Variants in ADCY2 observed in about 807,000 individuals in gnomAD.
ADCY2 encodes the protein adenylate cyclase type 2.
In ADCY2, 31 loss-of-function variants were observed where a neutral mutation model predicts 125.2. The observed-to-expected ratio is 0.25, with a 90% CI of 0.19 to 0.33. The LOEUF (loss-of-function observed/expected upper bound fraction) is 0.33, where lower values mean the gene tolerates loss of function less well. Among genes scored for constraint, ADCY2 ranks in the 10% least tolerant of loss-of-function variants. The pLI, the probability that ADCY2 is intolerant of heterozygous loss-of-function variation, is 1.00. For missense variants in ADCY2, 904 were observed against 1,418.2 expected (o/e 0.64, Z 5.82); for synonymous variants, 512 against 548.4 (o/e 0.93, Z 0.93).
Position 7,639,162 on chromosome 5 carries a change from G to A in ADCY2, c.720+12846G>A, listed in dbSNP as rs138525126. 3.9e-4 allele frequency among the ~76,000 whole-genome samples: 59 copies of A among 152,254 alleles called. 1 individual carries two copies. In the Middle Eastern group the frequency reaches 0.014, roughly 35 times the overall value. ...AAATGGACTAATACAGGTGACAATG[G>A]CTATTATTTCATTATTTTTCTTTAG... On this transcript the variant is annotated intron_variant, in intron 4 of 24. Coordinates refer to ENST00000338316, the MANE Select transcript of ADCY2 (RefSeq NM_020546.3).
intron 3 of ADCY2, among the ~76,000 whole-genome samples, chr5:7,545,103 C>T (rs760623715): frequency 1.4e-4 from 22 of 152,142 alleles, no homozygotes; most frequent in African/African-American, 2.7e-4. Context: ...ACATCTGACC[C>T]GTCACTTTTG....
At chr5:7,589,506 GAA>G (rs68115969) in intron 3 of ADCY2, among the ~76,000 whole-genome samples, 2 of 93,840 alleles carry the variant, frequency 2.1e-5, no homozygotes, top group African/African-American at 7.1e-5. Flanking sequence ...AAGAAAGAAA[GAA>G]AGAAAAGAAA....
intron 2 of ADCY2, among the ~76,000 whole-genome samples, chr5:7,501,133 A>ATTTTTT (rs1561059945): frequency 1.8e-4 from 17 of 96,996 alleles, no homozygotes; most frequent in African/African-American, 3.9e-4. Flanking sequence ...CTTTTTTTTA[A>ATTTTTT]AAAAAAAAAA....
At chr5:7,399,328 A>AT (rs1739178503) in intron 1 of ADCY2, among the ~76,000 whole-genome samples, 4 of 152,122 alleles carry the variant, frequency 2.6e-5, no homozygotes, top group Non-Finnish European at 5.9e-5. Flanking sequence ...GTACATAGAG[A>AT]TTTTTTTGCT....
rs1391205277 is a variant in ADCY2 at position 7,690,743 on chromosome 5, C to T, written c.773C>T (p.Ala258Val). 5.0e-6 allele frequency: 8 copies of T among 1,610,090 alleles called. No individual in the cohort carries two copies. The highest frequency in any genetic ancestry group is 6.8e-6 in the Non-Finnish European group (8 of 1,178,480). The change falls in exon 5 of 25, where the codon GCG becomes GTG. Residue 258 changes from alanine (A) to valine (V), a missense_variant. By Grantham distance (64) the Ala-to-Val change is moderately conservative (BLOSUM62 0). Around this residue, in one of 7 missense-constraint regions of ADCY2, gnomAD observed 117 missense variants for 248.0 expected, o/e 0.47. Coordinates refer to ENST00000338316, the MANE Select transcript of ADCY2 (RefSeq NM_020546.3). ...GCCCACATCGCCATGGAGATGAAAG[C>T]GGAGATCATCCAGAGGCTGCAGGGC... ...LPAHIAMEMK[A>V]EIIQRLQGPK...
intron 4 of ADCY2, among the ~76,000 whole-genome samples, chr5:7,689,369 A>G (rs1740630820): frequency 6.6e-6 from 1 of 152,210 alleles, no homozygotes; most frequent in Admixed American, 6.5e-5. Context: ...TTGCTCAAAG[A>G]TTGATACTTT....
intron 14 of ADCY2, among the ~76,000 whole-genome samples, chr5:7,729,215 A>G (rs1469750412): frequency 6.6e-6 from 1 of 152,142 alleles, no homozygotes; most frequent in Non-Finnish European, 1.5e-5. Flanking sequence ...TTTAAAAAAA[A>G]TCTTGCTAGG....
At chr5:7,647,112 C>T (rs902980283) in intron 4 of ADCY2, among the ~76,000 whole-genome samples, 2 of 152,176 alleles carry the variant, frequency 1.3e-5, no homozygotes, top group Non-Finnish European at 2.9e-5. Context: ...CTTTCCTTGT[C>T]CTTCTTCAGA....
intron 24 of ADCY2, among the ~76,000 whole-genome samples, chr5:7,823,791 C>A (rs953307570): frequency 1.3e-5 from 2 of 152,134 alleles, no homozygotes; most frequent in African/African-American, 4.8e-5. Context: ...GAGAGTGCTC[C>A]CTCCTGGAGA....
chr5:7,566,035 A>G (rs1317976974), intron 3 of ADCY2, among the ~76,000 whole-genome samples: 5 of 152,300 alleles, frequency 3.3e-5, no homozygotes, highest in East Asian at 3.9e-4. Context: ...GTACTTTGCA[A>G]GAAGGATTTT....
chr5:7,405,198 A>G (rs978329734), intron 1 of ADCY2, among the ~76,000 whole-genome samples: 7 of 152,098 alleles, frequency 4.6e-5, no homozygotes, highest in African/African-American at 1.7e-4. Flanking sequence ...ACCATCTGCT[A>G]TGTTACCTTA....
At position 7,581,233 on chromosome 5, in the gene ADCY2, T is replaced by C. The variant is rs567568741; in HGVS notation, c.571-44934T>C. Among the ~76,000 whole-genome samples, 99 of 152,328 alleles carry C rather than the reference T, an allele frequency of 6.5e-4. 1 individual carries two copies. Among genetic ancestry groups the C allele is most frequent in the African/African-American group, 2.3e-3 (94 of 41,576 alleles). ...GTTTAAGATGGATATGATAACATCATATTGAAAAATTTGTAATATTTGCAT... is the reference window on the plus strand; with the variant it reads ...GTTTAAGATGGATATGATAACATCACATTGAAAAATTTGTAATATTTGCAT... On this transcript the variant is annotated intron_variant, in intron 3 of 24. Coordinates refer to ENST00000338316, the MANE Select transcript of ADCY2 (RefSeq NM_020546.3).
intron 3 of ADCY2, among the ~76,000 whole-genome samples, chr5:7,580,389 G>A (rs1335377688): frequency 6.6e-6 from 1 of 152,020 alleles, no homozygotes; most frequent in African/African-American, 2.4e-5. Context: ...CAGAGAAATA[G>A]AAACTATAAG....
At chr5:7,634,697 T>G (rs917048634) in intron 4 of ADCY2, among the ~76,000 whole-genome samples, 3 of 149,426 alleles carry the variant, frequency 2.0e-5, no homozygotes, top group African/African-American at 7.4e-5. Flanking sequence ...TTTATCAAAT[T>G]TACAGGTTTT....
Position 7,496,345 on chromosome 5 carries a change from C to T in ADCY2, c.409-24393C>T, listed in dbSNP as rs115011545. On this transcript the variant is annotated intron_variant, in intron 2 of 24. Transcript: ENST00000338316. ...AACATTGGAGGAATTATCATTAAGACGAAGACTAAAGAGGGTGTGTGCTCT... is the reference window on the plus strand; with the variant it reads ...AACATTGGAGGAATTATCATTAAGATGAAGACTAAAGAGGGTGTGTGCTCT... Among the ~76,000 whole-genome samples the T allele has an allele frequency of 5.7e-3, 870 of 152,208 alleles. 1 individual carries two copies. The highest frequency in any genetic ancestry group is 8.8e-3 in the Non-Finnish European group (596 of 67,990).
chr5:7,757,702 T>G, intron 16 of ADCY2, 116 bp downstream of exon 16: 1 of 1,239,668 alleles, frequency 8.1e-7, no homozygotes, highest in Non-Finnish European at 1.0e-6. Context: ...ACACCATAGC[T>G]GTGTTCAACA....
intron 22 of ADCY2, among the ~76,000 whole-genome samples, chr5:7,810,389 A>T (rs1744899351): frequency 6.6e-6 from 1 of 151,234 alleles, no homozygotes; most frequent in African/African-American, 2.4e-5. Flanking sequence ...TTTCTACCTG[A>T]TGGGTGGGTT....
chr5:7,496,521 AT>A (rs1743351841), intron 2 of ADCY2, among the ~76,000 whole-genome samples: 1 of 152,202 alleles, frequency 6.6e-6, no homozygotes, highest in Admixed American at 6.5e-5. Flanking sequence ...CGGCCATGTT[AT>A]TTAACCTCTC....
At chr5:7,467,527 T>G (rs965264858) in intron 2 of ADCY2, among the ~76,000 whole-genome samples, 2 of 152,230 alleles carry the variant, frequency 1.3e-5, no homozygotes, top group South Asian at 2.1e-4. Flanking sequence ...TCTTATGACT[T>G]TTTTATCCAG....
Sources: allele counts gnomAD v4.1 joint callset (sites outside exome capture counted in the v4.1 genomes callset), GRCh38; gene constraint gnomAD v4.1.1; regional missense constraint gnomAD v4.1.1; transcripts MANE v1.5; gene names NCBI Gene and HGNC (gene_info 2026-07-23, HGNC 2026-07-21).